Variants in UNC13C observed in about 807,000 individuals in gnomAD.
The protein encoded by UNC13C is protein unc-13 homolog C.
A neutral mutation model predicts 245.4 loss-of-function variants in UNC13C; 174 were observed. The ratio of observed to expected loss-of-function variants is 0.71; its 90% CI spans 0.63 to 0.80. UNC13C has a LOEUF of 0.80. UNC13C is among the 30% of genes least tolerant of loss of function. The probability of loss-of-function intolerance (pLI) is 0.00; values close to 1 mark genes in which losing one functional copy is unlikely to be tolerated. For missense variants in UNC13C, 2,829 were observed against 2,602.9 expected, an observed-to-expected ratio of 1.09 and a Z score of -1.89; for synonymous variants, 992 against 895.1, an observed-to-expected ratio of 1.11 and a Z score of -1.93.
intron 10 of UNC13C, among the ~76,000 whole-genome samples, chr15:54,271,910 C>T (rs2036697436): frequency 6.6e-6 from 1 of 152,106 alleles, no homozygotes; most frequent in African/African-American, 2.4e-5. Context: ...CCATTTAATT[C>T]CACCTAATTT....
intron 17 of UNC13C, among the ~76,000 whole-genome samples, chr15:54,366,641 A>G (rs558670351): frequency 3.9e-5 from 6 of 152,304 alleles, no homozygotes; most frequent in African/African-American, 1.4e-4. Context: ...TTGACCCAGG[A>G]TATTAACAGT....
chr15:54,052,647 C>T (rs1376372659), intron 2 of UNC13C, among the ~76,000 whole-genome samples: 1 of 152,164 alleles, frequency 6.6e-6, no homozygotes, highest in Non-Finnish European at 1.5e-5. Context: ...GGATGGCTTT[C>T]CAGTTGTTAA....
At chr15:53,855,758 T>C in the UNC13C span, among the ~76,000 whole-genome samples, 1 of 152,200 alleles carries the variant, frequency 6.6e-6, no homozygotes, top group African/African-American at 2.4e-5. Context: ...TTTTCTTTTT[T>C]TGTTGTATCT....
upstream of UNC13C, among the ~76,000 whole-genome samples, chr15:53,977,619 A>G (rs1234126012): frequency 6.6e-6 from 1 of 152,178 alleles, no homozygotes; most frequent in East Asian, 1.9e-4. Context: ...AAATTATTTC[A>G]GGCCTCAAGC....
chr15:54,317,245 A>G (rs1362167173), intron 13 of UNC13C, among the ~76,000 whole-genome samples: 1 of 151,968 alleles, frequency 6.6e-6, no homozygotes, highest in Non-Finnish European at 1.5e-5. Flanking sequence ...TCTGTGAATA[A>G]CATATGTTAG....
chr15:54,505,254 G>C (rs951936791), intron 22 of UNC13C, among the ~76,000 whole-genome samples: 1 of 152,134 alleles, frequency 6.6e-6, no homozygotes, highest in African/African-American at 2.4e-5. Context: ...ACACCCAGAA[G>C]TCTTATGTTC....
At chr15:53,926,344 T>G in the UNC13C span, among the ~76,000 whole-genome samples, 2 of 152,184 alleles carry the variant, frequency 1.3e-5, no homozygotes, top group Admixed American at 1.3e-4. Flanking sequence ...AACCACTTGA[T>G]TTTTGAAACC....
rs201222482 is a variant in UNC13C, at chr15:54,555,513, G to A, written c.5958+1G>A. On this transcript the variant is annotated splice_donor_variant, in intron 29 of 32. Transcript: ENST00000260323. LOFTEE classifies it high-confidence loss of function. The stretch of plus-strand genomic sequence containing the variant: ...GGAGGTAGTCCTGGCTACCATCAAG[G>A]TGAGATTATAATGCTCCTATATATA... The A allele has an allele frequency of 1.2e-6, 2 of 1,610,068 alleles. No homozygotes were observed. The highest frequency in any genetic ancestry group is 2.2e-5 in the East Asian group (1 of 44,714).
At chr15:54,349,980 C>T (rs950736231) in intron 17 of UNC13C, among the ~76,000 whole-genome samples, 5 of 151,324 alleles carry the variant, frequency 3.3e-5, no homozygotes, top group Non-Finnish European at 7.4e-5. Context: ...TATATTAGCA[C>T]AATAATATTT....
At chr15:54,438,239 C>G (rs952892034) in intron 19 of UNC13C, among the ~76,000 whole-genome samples, 2 of 151,914 alleles carry the variant, frequency 1.3e-5, no homozygotes, top group Non-Finnish European at 2.9e-5. Flanking sequence ...GTGACTGCAT[C>G]CTTCCAAACT....
At chr15:54,061,172 A>G (rs1420464481) in intron 2 of UNC13C, among the ~76,000 whole-genome samples, 3 of 152,088 alleles carry the variant, frequency 2.0e-5, no homozygotes, top group African/African-American at 7.2e-5. Flanking sequence ...CAAAAAAAAA[A>G]GAAATTAACA....
intron 30 of UNC13C, among the ~76,000 whole-genome samples, chr15:54,617,344 A>G (rs1596686726): frequency 1.3e-5 from 2 of 152,206 alleles, no homozygotes; most frequent in South Asian, 2.1e-4. Context: ...TCTTTGATGT[A>G]AAAAAGAAAA....
intron 2 of UNC13C, among the ~76,000 whole-genome samples, chr15:54,065,014 A>C (rs184406310): frequency 4.6e-5 from 7 of 152,322 alleles, no homozygotes; most frequent in African/African-American, 1.7e-4. Context: ...TTTAAGATTC[A>C]TTCACCCCAA....
intron 4 of UNC13C, among the ~76,000 whole-genome samples, chr15:54,171,390 CA>C (rs1322069631): frequency 2.0e-5 from 3 of 151,866 alleles, no homozygotes; most frequent in African/African-American, 7.3e-5. Flanking sequence ...ACAAGGGACT[CA>C]AACAACACTA....
At chr15:54,349,490 TG>T (rs1406527197) in intron 17 of UNC13C, among the ~76,000 whole-genome samples, 8 of 152,016 alleles carry the variant, frequency 5.3e-5, no homozygotes, top group Admixed American at 6.6e-5. Context: ...TGACAATACA[TG>T]AAAAAAATTA....
At position 54,053,382 on chromosome 15, in the gene UNC13C, T is replaced by A. The variant is rs955001004; in HGVS notation, c.2983+37496T>A. Among the ~76,000 whole-genome samples the A allele has an allele frequency of 6.6e-5, 10 of 152,262 alleles. No homozygotes were observed. The South Asian group carries it at 1.5e-3, about 22-fold the overall frequency. ...ATGTGTTCTAGAACTTTGAAACTGA[T>A]TTTGCAAAAATACGAATGTAAATTC... On this transcript the variant is annotated intron_variant, in intron 2 of 32. Coordinates refer to ENST00000260323, the MANE Select transcript of UNC13C (RefSeq NM_001080534.3).
the UNC13C span, among the ~76,000 whole-genome samples, chr15:53,939,811 A>G: frequency 2.7e-5 from 3 of 113,152 alleles, no homozygotes; most frequent in Non-Finnish European, 6.3e-5. Flanking sequence ...AAGAGAAAGG[A>G]CGAGAGAGAG....
intron 2 of UNC13C, chr15:54,048,550 G>C: frequency 2.0e-6 from 1 of 500,976 alleles, no homozygotes; most frequent in Non-Finnish European, 3.8e-6. Flanking sequence ...TTAAATGGAA[G>C]ACTTTTTATA....
intron 30 of UNC13C, among the ~76,000 whole-genome samples, chr15:54,620,338 A>G (rs1900716602): frequency 1.3e-5 from 2 of 152,160 alleles, no homozygotes; most frequent in South Asian, 4.1e-4. Context: ...CTTACATTGT[A>G]TACGTTTAGA....
Sources: allele counts gnomAD v4.1 joint callset (sites outside exome capture counted in the v4.1 genomes callset), GRCh38; gene constraint gnomAD v4.1.1; transcripts MANE v1.5; gene names NCBI Gene and HGNC (gene_info 2026-07-23, HGNC 2026-07-21).